PSD3: variants seen among roughly 807,000 people sequenced by gnomAD.
PSD3 encodes the protein PH and SEC7 domain-containing protein 3.
Under a neutral mutation model 105.5 loss-of-function variants are expected in PSD3, and 49 were observed. That is an observed-to-expected ratio of 0.46 (90% CI 0.37 to 0.59). The LOEUF is 0.59. PSD3 is among the 20% of genes least tolerant of loss of function. The pLI is 0.00. For missense variants in PSD3, 1,561 were observed against 1,263.8 expected, an observed-to-expected ratio of 1.24 and a Z score of -3.57; for synonymous variants, 557 against 457.8, an observed-to-expected ratio of 1.22 and a Z score of -2.77.
Position 19,021,811 on chromosome 8 carries a change from G to C in PSD3, c.324+62395C>G, listed in dbSNP as rs145571761. ...CAATAATTAAACTATGCAGTCCTTA[G>C]TCTAAACTTGACTTAGCATTAAATC... is the stretch of plus-strand genomic sequence containing the variant. On this transcript the variant is annotated intron_variant, in intron 1 of 1. Coordinates refer to the PSD3 transcript ENST00000521475. 7.3e-3 allele frequency among the ~76,000 whole-genome samples: 1,115 copies of C among 152,304 alleles called. 11 individuals carry two copies. Among genetic ancestry groups the C allele is most frequent in the African/African-American group, 0.025 (1,046 of 41,550 alleles).
At chr8:18,677,871 G>A (rs1040292509) in intron 9 of PSD3, among the ~76,000 whole-genome samples, 11 of 152,114 alleles carry the variant, frequency 7.2e-5, no homozygotes, top group East Asian at 1.9e-4. Flanking sequence ...TTAGCCAGGC[G>A]TGGTGGCGGG....
At chr8:19,074,625 T>A (rs1269425548) in intron 1 of PSD3, among the ~76,000 whole-genome samples, 3 of 111,600 alleles carry the variant, frequency 2.7e-5, no homozygotes, top group South Asian at 3.4e-4. Flanking sequence ...TTTTTTTTTT[T>A]TTTTTTTTTT....
chr8:18,662,580 G>C (rs979208443), intron 9 of PSD3, among the ~76,000 whole-genome samples: 1 of 152,144 alleles, frequency 6.6e-6, no homozygotes, highest in Non-Finnish European at 1.5e-5. Flanking sequence ...TCACTGACTT[G>C]TACATTTAAG....
At chr8:18,857,983 C>G (rs1816152513) in intron 4 of PSD3, among the ~76,000 whole-genome samples, 1 of 152,172 alleles carries the variant, frequency 6.6e-6, no homozygotes, top group African/African-American at 2.4e-5. Flanking sequence ...TTAGACAGGA[C>G]AGAGATTAAT....
intron 4 of PSD3, among the ~76,000 whole-genome samples, chr8:18,840,908 G>T (rs4921966): frequency 0.34 from 52,421 of 152,054 alleles, 10,383 homozygotes; most frequent in Admixed American, 0.44. Flanking sequence ...TTACTTCCTC[G>T]AGATCAGTAC....
intron 1 of PSD3, among the ~76,000 whole-genome samples, chr8:18,980,406 C>G (rs1825191262): frequency 6.6e-6 from 1 of 152,138 alleles, no homozygotes; most frequent in Non-Finnish European, 1.5e-5. Context: ...TGGAGGTATT[C>G]CCTCTCTGTC....
chr8:18,957,014 T>C (rs973611919), intron 1 of PSD3, among the ~76,000 whole-genome samples: 1 of 152,158 alleles, frequency 6.6e-6, no homozygotes, highest in Non-Finnish European at 1.5e-5. Context: ...TCTTAACTAC[T>C]TATTCAGTAA....
At chr8:18,905,769 A>G (rs1819806195) in intron 2 of PSD3, among the ~76,000 whole-genome samples, 1 of 152,228 alleles carries the variant, frequency 6.6e-6, no homozygotes. Context: ...GTCAAAAGGT[A>G]TTCATTATTT....
intron 1 of PSD3, among the ~76,000 whole-genome samples, chr8:18,984,243 G>C (rs1009672097): frequency 6.8e-6 from 1 of 148,124 alleles, no homozygotes; most frequent in Non-Finnish European, 1.5e-5. Flanking sequence ...AATAAAACAA[G>C]CTATGCCTAC....
chr8:19,063,075 A>G (rs1828957307), intron 1 of PSD3, among the ~76,000 whole-genome samples: 1 of 152,236 alleles, frequency 6.6e-6, no homozygotes. Context: ...GTAGAGAAAA[A>G]CAGCACTAGT....
chr8:19,053,828 C>G (rs1425547545), intron 1 of PSD3, among the ~76,000 whole-genome samples: 1 of 152,068 alleles, frequency 6.6e-6, no homozygotes, highest in African/African-American at 2.4e-5. Context: ...ATTCTGTATA[C>G]CTAGAAAAGT....
intron 15 of PSD3, among the ~76,000 whole-genome samples, chr8:18,555,056 G>C (rs889858892): frequency 1.3e-5 from 2 of 152,054 alleles, no homozygotes; most frequent in African/African-American, 2.4e-5. Context: ...CTTTCTTCAG[G>C]AGGTAACTGG....
intron 2 of PSD3, among the ~76,000 whole-genome samples, chr8:18,877,153 A>C (rs942281823): frequency 6.6e-6 from 1 of 152,206 alleles, no homozygotes; most frequent in African/African-American, 2.4e-5. Context: ...CTGAAGCACA[A>C]ACGTTTTTAC....
intron 2 of PSD3, among the ~76,000 whole-genome samples, chr8:18,934,772 G>A (rs186254041): frequency 9.8e-5 from 15 of 152,298 alleles, no homozygotes; most frequent in Admixed American, 3.9e-4. Context: ...AACTCAAGAA[G>A]TCTAGATCCA....
At chr8:18,634,902 A>C (rs550757053) in intron 10 of PSD3, among the ~76,000 whole-genome samples, 1 of 152,174 alleles carries the variant, frequency 6.6e-6, no homozygotes, top group African/African-American at 2.4e-5. Flanking sequence ...GTTTTTGGGG[A>C]GATATCTTGT....
intron 10 of PSD3, among the ~76,000 whole-genome samples, chr8:18,636,048 T>G (rs1807227274): frequency 6.6e-6 from 1 of 152,016 alleles, no homozygotes; most frequent in South Asian, 2.1e-4. Context: ...TCCCAGAACT[T>G]AAAGTAAAAT....
chr8:19,067,032 G>T (rs145430315), intron 1 of PSD3, among the ~76,000 whole-genome samples: 61 of 152,248 alleles, frequency 4.0e-4, no homozygotes, highest in Admixed American at 3.1e-3. Context: ...ACAGGGTCTA[G>T]CACAGAGCAT....
intron 1 of PSD3, among the ~76,000 whole-genome samples, chr8:19,025,586 GT>G (rs1417533941): frequency 2.6e-5 from 4 of 152,118 alleles, no homozygotes; most frequent in Admixed American, 6.5e-5. Context: ...ATCATTTGGG[GT>G]TACCTCTCCT....
At chr8:19,076,003 C>CGA (rs1829452247) in intron 1 of PSD3, among the ~76,000 whole-genome samples, 1 of 152,114 alleles carries the variant, frequency 6.6e-6, no homozygotes, top group African/African-American at 2.4e-5. Context: ...TCACAGGCTA[C>CGA]GAACACAAGG....
Sources: gnomAD v4.1 joint callset for allele counts (sites outside exome capture counted in the v4.1 genomes callset) on GRCh38, gnomAD v4.1.1 for gene constraint, MANE v1.5 for transcripts, NCBI Gene and HGNC (gene_info 2026-07-23, HGNC 2026-07-21) for gene names.